The following DNAJC24 variants were observed in gnomAD, a reference collection of about 807,000 sequenced individuals.
The protein encoded by DNAJC24 is DnaJ heat shock protein family (Hsp40) member C24.
A neutral mutation model predicts 18.0 loss-of-function variants in DNAJC24; 17 were observed. That is an observed-to-expected ratio of 0.94 (90% CI 0.65 to 1.42). DNAJC24 has a LOEUF of 1.42. Ranked by LOEUF, DNAJC24 falls within the 40% of genes most tolerant of loss-of-function variation. The pLI, the probability that DNAJC24 is intolerant of heterozygous loss-of-function variation, is 0.00. For synonymous variants in DNAJC24, 55 were observed against 57.7 expected, an observed-to-expected ratio of 0.95 and a Z score of 0.21; for missense variants, 158 against 175.6, an observed-to-expected ratio of 0.90 and a Z score of 0.57.
intron 3 of DNAJC24, chr11:31,416,139 C>T (rs1201927149): frequency 1.3e-5 from 2 of 152,098 alleles, no homozygotes; most frequent in African/African-American, 2.4e-5. Context: ...GACTGATGAG[C>T]TTATTTTTTT....
intron 2 of DNAJC24, among the ~76,000 whole-genome samples, chr11:31,388,963 T>C (rs1952459397): frequency 1.3e-5 from 2 of 152,104 alleles, no homozygotes; most frequent in African/African-American, 4.8e-5. Flanking sequence ...GGTTGTAAGA[T>C]AGTATTTGCA....
intron 2 of DNAJC24, among the ~76,000 whole-genome samples, chr11:31,381,786 A>G (rs986535472): frequency 6.6e-6 from 1 of 152,034 alleles, no homozygotes; most frequent in African/African-American, 2.4e-5. Context: ...CATGTTCGCC[A>G]GGCTGGTCTC....
At chr11:31,384,099 C>G (rs1406652715) in intron 2 of DNAJC24, among the ~76,000 whole-genome samples, 1 of 152,174 alleles carries the variant, frequency 6.6e-6, no homozygotes, top group Non-Finnish European at 1.5e-5. Flanking sequence ...TGTATTTCAT[C>G]TTCATTTTGT....
rs1000644461 is a variant in DNAJC24 at position 31,431,912 on chromosome 11, T to C, written c.*1511T>C. The C allele has an allele frequency of 1.1e-4, 16 of 152,238 alleles. No individual in the cohort carries two copies. The highest frequency in any genetic ancestry group is 3.6e-4 in the African/African-American group (15 of 41,464). 9.4% of individuals were successfully genotyped at this position (152,238 alleles called of 1,614,324 possible). On this transcript the variant is annotated 3_prime_UTR_variant, in exon 5 of 5. Transcript: ENST00000465995. ...ACTGCTGCTATGCTGAAATGAACTT[T>C]TATAAAGTATTATTGACTATAGCCA...
In DNAJC24 at chr11:31,432,402, G is replaced by T; in HGVS notation, c.*2001G>T. On this transcript the variant is annotated 3_prime_UTR_variant, in exon 5 of 5. Coordinates refer to ENST00000465995, the MANE Select transcript of DNAJC24 (RefSeq NM_181706.5). ...TTAACAATTAAAAACAACTAAAACT[G>T]AATAGCAAATAGTTTATTGGTAAGT... is the stretch of plus-strand genomic sequence containing the variant. 1.3e-6 allele frequency: 1 copy of T among 792,926 alleles called. No homozygotes were observed. The highest frequency in any genetic ancestry group is 2.6e-5 in the East Asian group (1 of 38,992). 49.1% of individuals were successfully genotyped at this position (792,926 alleles called of 1,614,324 possible).
At chr11:31,393,186 C>G in intron 2 of DNAJC24, among the ~76,000 whole-genome samples, 1 of 152,202 alleles carries the variant, frequency 6.6e-6, no homozygotes, top group East Asian at 1.9e-4. Context: ...GCTTCTCTTT[C>G]TACCCCTAAC....
At chr11:31,401,854 C>T (rs575009009) in intron 2 of DNAJC24, among the ~76,000 whole-genome samples, 1 of 152,254 alleles carries the variant, frequency 6.6e-6, no homozygotes, top group Non-Finnish European at 1.5e-5. Context: ...TCTCTGAGAA[C>T]CATGGGGCTG....
chr11:31,427,665 G>A (rs1156607155), intron 4 of DNAJC24: 3 of 151,978 alleles, frequency 2.0e-5, no homozygotes, highest in Non-Finnish European at 4.4e-5. Context: ...CTATTGGTAT[G>A]TATATGTATG....
chr11:31,374,325 CT>C (rs371431553), intron 2 of DNAJC24: 3,052 of 124,594 alleles, frequency 0.024, 116 homozygotes, highest in South Asian at 0.056. Flanking sequence ...TTGTTAGATC[CT>C]TTTTTTTTTT....
intron 2 of DNAJC24, among the ~76,000 whole-genome samples, chr11:31,390,026 G>T (rs1010135508): frequency 1.3e-5 from 2 of 152,082 alleles, no homozygotes; most frequent in African/African-American, 4.8e-5. Flanking sequence ...TAAGAGGGAA[G>T]TTTATAGCAA....
chr11:31,414,935 A>G lies in DNAJC24; in HGVS notation c.236A>G (p.Asp79Gly). 1 of 1,613,558 alleles carries G rather than the reference A, an allele frequency of 6.2e-7. No individual in the cohort carries two copies. The highest frequency in any genetic ancestry group is 8.5e-7 in the Non-Finnish European group (1 of 1,179,802). ...LGNEETKREY[D>G]LQRCEDDLRN... ...AATGAAGAGACAAAAAGAGAGTATGACCTGCAGCGGTGTGGTAGGTGCTTG... is the reference window on the plus strand; with the variant it reads ...AATGAAGAGACAAAAAGAGAGTATGGCCTGCAGCGGTGTGGTAGGTGCTTG... The change falls in exon 3 of 5, where the codon GAC becomes GGC. Residue 79 changes from aspartate to glycine, a missense_variant. Physicochemically the swap from Asp to Gly is moderately conservative, Grantham distance 94. Coordinates refer to ENST00000465995, the MANE Select transcript of DNAJC24 (RefSeq NM_181706.5).
intron 2 of DNAJC24, among the ~76,000 whole-genome samples, chr11:31,408,912 TCA>T (rs1297826559): frequency 6.6e-6 from 1 of 152,176 alleles, no homozygotes; most frequent in African/African-American, 2.4e-5. Flanking sequence ...TAATAAAGAA[TCA>T]CACAGATACT....
chr11:31,424,805 C>G (rs1162670120), intron 3 of DNAJC24, among the ~76,000 whole-genome samples: 1 of 151,992 alleles, frequency 6.6e-6, no homozygotes, highest in Non-Finnish European at 1.5e-5. Context: ...AATTATGTAA[C>G]TCACTAATAA....
intron 2 of DNAJC24, among the ~76,000 whole-genome samples, chr11:31,376,222 C>A (rs1362148088): frequency 6.6e-6 from 1 of 152,184 alleles, no homozygotes; most frequent in Non-Finnish European, 1.5e-5. Flanking sequence ...GAGGCCTCCC[C>A]AGCCGTGTGG....
In DNAJC24 at chr11:31,432,226, C is replaced by G. The variant is rs577939220; in HGVS notation, c.*1825C>G. The stretch of plus-strand genomic sequence containing the variant: ...ATTAGTTTCATTATACCTATAAGAA[C>G]AAGAATTCAAAAGTGAGGTAGTCAT... On this transcript the variant is annotated 3_prime_UTR_variant, in exon 5 of 5. Transcript: ENST00000465995. Among the ~76,000 whole-genome samples, 1 of 152,078 alleles carries G rather than the reference C, an allele frequency of 6.6e-6. No individual in the cohort carries two copies. The highest frequency in any genetic ancestry group is 2.4e-5 in the African/African-American group (1 of 41,410).
intron 2 of DNAJC24, among the ~76,000 whole-genome samples, chr11:31,405,636 T>G (rs1377170174): frequency 6.6e-6 from 1 of 151,852 alleles, no homozygotes; most frequent in African/African-American, 2.4e-5. Flanking sequence ...CATGAAAATT[T>G]GTTGTAGAGA....
rs768439612 is a variant in DNAJC24, at chr11:31,432,605, AAGTAATGTTAT to A, written c.*2209_*2219del. Reference sequence around the variant, plus strand: ...AAATGAGGTTGAAGACAATTAGTGAAAGTAATGTTATAGTATCATCATATTCCCTTTTGCTA... The same window carrying A: ...AAATGAGGTTGAAGACAATTAGTGAAAGTATCATCATATTCCCTTTTGCTA... On this transcript the variant is annotated 3_prime_UTR_variant, in exon 5 of 5. Transcript: ENST00000465995. 2.9e-6 allele frequency: 4 copies of A among 1,358,038 alleles called. No homozygotes were observed. The East Asian group carries it at 9.2e-5, about 31-fold the overall frequency. The allele number at this position is 1,358,038 out of a possible 1,614,324, so 84.1% of individuals were successfully genotyped here.
At chr11:31,392,797 C>T (rs1256964626) in intron 2 of DNAJC24, among the ~76,000 whole-genome samples, 3 of 151,166 alleles carry the variant, frequency 2.0e-5, no homozygotes, top group African/African-American at 7.3e-5. Context: ...GCAACCTCTG[C>T]CTCCCAGGTT....
intron 2 of DNAJC24, among the ~76,000 whole-genome samples, chr11:31,399,414 CTTT>C (rs568328386): frequency 2.9e-5 from 4 of 138,430 alleles, no homozygotes; most frequent in Non-Finnish European, 3.1e-5. Context: ...TCTTAATTCT[CTTT>C]TTTTTTTTTT....
Sources: allele counts gnomAD v4.1 joint callset (sites outside exome capture counted in the v4.1 genomes callset), GRCh38; gene constraint gnomAD v4.1.1; transcripts MANE v1.5; gene names NCBI Gene and HGNC (gene_info 2026-07-23, HGNC 2026-07-21).